ZNF3: variants seen among roughly 807,000 people sequenced by gnomAD.
ZNF3 encodes C2-H2 type zinc finger protein.
In ZNF3, 16 loss-of-function variants were observed where a neutral mutation model predicts 36.9. The ratio of observed to expected loss-of-function variants is 0.43; its 90% CI spans 0.29 to 0.66. The LOEUF (loss-of-function observed/expected upper bound fraction) is 0.66, where lower values mean the gene tolerates loss of function less well. Among genes scored for constraint, ZNF3 ranks in the 30% least tolerant of loss-of-function variants. ZNF3 has a pLI of 0.13. For missense variants in ZNF3, 462 were observed against 543.1 expected, an observed-to-expected ratio of 0.85 and a Z score of 1.48; for synonymous variants, 201 against 201.9, an observed-to-expected ratio of 1.00 and a Z score of 0.04.
At chr7:100,072,251 G>C (rs938993720) in intron 5 of ZNF3, 39 bp from the exon 6 acceptor site, 2 of 1,497,190 alleles carry the variant, frequency 1.3e-6, no homozygotes, top group Non-Finnish European at 1.8e-6. Flanking sequence ...TTGTTCCTTA[G>C]GGAAGAAAGA....
intron 2 of ZNF3, 72 bp downstream of exon 2, chr7:100,079,464 C>T (rs556312953): frequency 4.2e-4 from 64 of 152,366 alleles, no homozygotes; most frequent in African/African-American, 1.5e-3. Context: ...TTGCCAGCCT[C>T]ACTCCCTGGT....
At chr7:100,077,070 C>CA (rs951391543) in intron 3 of ZNF3, 245 of 463,920 alleles carry the variant, frequency 5.3e-4, no homozygotes, top group African/African-American at 2.3e-3. Context: ...GACTCCATCT[C>CA]AAAAAAAACA....
intron 5 of ZNF3, among the ~76,000 whole-genome samples, chr7:100,072,630 A>G (rs1384646626): frequency 1.3e-4 from 20 of 152,190 alleles, no homozygotes; most frequent in Admixed American, 1.3e-3. Flanking sequence ...AAAGGGGGGA[A>G]GGGTGAGGAG....
At chr7:100,075,721 G>A in intron 3 of ZNF3, 91 bp from the exon 4 acceptor site, 1 of 1,245,574 alleles carries the variant, frequency 8.0e-7, no homozygotes, top group Non-Finnish European at 1.2e-6. Flanking sequence ...AGCTCCCGGG[G>A]TCCTGGGACA....
At chr7:100,076,592 G>A (rs535551837) in intron 3 of ZNF3, among the ~76,000 whole-genome samples, 10 of 152,082 alleles carry the variant, frequency 6.6e-5, no homozygotes, top group South Asian at 4.2e-4. Context: ...GCGCTCGGCC[G>A]CAAAGTATAC....
At chr7:100,077,073 A>G (rs1324750170) in intron 3 of ZNF3, 2 of 484,152 alleles carry the variant, frequency 4.1e-6, no homozygotes, top group Non-Finnish European at 7.5e-6. Context: ...TCCATCTCAA[A>G]AAAAACAAAA....
chr7:100,064,099 G>A (rs539561711), exon 6 of ZNF3: 3 of 1,614,166 alleles, frequency 1.9e-6, no homozygotes, highest in African/African-American at 2.7e-5. Context: ...ACACACTGGG[G>A]AGAAACCTTA....
At chr7:100,072,505 G>A (rs1046708175) in intron 5 of ZNF3, among the ~76,000 whole-genome samples, 5 of 152,188 alleles carry the variant, frequency 3.3e-5, no homozygotes, top group Non-Finnish European at 7.3e-5. Context: ...TTTAGAAGAG[G>A]AAGGTCATAT....
In ZNF3 at chr7:100,075,131, T is replaced by A; in HGVS notation, c.271+4A>T. 1 of 1,603,596 alleles carries A rather than the reference T, an allele frequency of 6.2e-7. No homozygotes were observed. Among genetic ancestry groups the A allele is most frequent in the Non-Finnish European group, 8.5e-7 (1 of 1,172,792 alleles). On this transcript the variant is annotated splice_donor_region_variant and intron_variant, in intron 5 of 5. Coordinates refer to ENST00000299667, the MANE Select transcript of ZNF3 (RefSeq NM_032924.5). ...AGTTTTGTTGACAAGGCATAACTCCTTACCCAGTGAGAACACATTCCCGTA... is the reference window on the plus strand; with the variant it reads ...AGTTTTGTTGACAAGGCATAACTCCATACCCAGTGAGAACACATTCCCGTA...
At position 100,071,650 on chromosome 7, in the gene ZNF3, G is replaced by A. The variant is rs1272900891; in HGVS notation, c.834C>T (p.His278=). ...SSALILHRRI[H]TGEKPYECNE... ...TACATTCATAGGGTTTCTCCCCCGT[G>A]TGGATCCTCCGATGCAGAATGAGGG... The change falls in exon 6 of 6, where the codon CAC becomes CAT. Residue 278 remains histidine, a synonymous_variant. Coordinates refer to ENST00000299667, the MANE Select transcript of ZNF3 (RefSeq NM_032924.5). 6.2e-7 allele frequency: 1 copy of A among 1,614,056 alleles called. No individual in the cohort carries two copies. The highest frequency in any genetic ancestry group is 1.7e-5 in the Admixed American group (1 of 60,028).
intron 2 of ZNF3, among the ~76,000 whole-genome samples, chr7:100,078,019 C>T (rs1794396384): frequency 6.6e-6 from 1 of 152,018 alleles, no homozygotes; most frequent in South Asian, 2.1e-4. Context: ...TGTGAGCCAC[C>T]ATGCCCAGCC....
chr7:100,077,563 T>C, intron 2 of ZNF3, 130 bp from the exon 3 acceptor site: 1 of 760,458 alleles, frequency 1.3e-6, no homozygotes, highest in African/African-American at 1.8e-5. Context: ...GACTAGTCTT[T>C]TATTTTCTTT....
intron 1 of ZNF3, 133 bp from the exon 2 acceptor site, chr7:100,079,789 C>T (rs1252491749): frequency 6.6e-6 from 1 of 152,110 alleles, no homozygotes; most frequent in African/African-American, 2.4e-5. Context: ...ACTCAAACTC[C>T]TAAGTTCAAG....
At chr7:100,078,721 C>G (rs573720081) in intron 2 of ZNF3, 2 of 152,184 alleles carry the variant, frequency 1.3e-5, no homozygotes, top group Admixed American at 1.3e-4. Context: ...AACCAACCAA[C>G]CCTGGATTTG....
exon 6 of ZNF3, chr7:100,064,398 G>T: frequency 6.2e-7 from 1 of 1,609,870 alleles, no homozygotes; most frequent in Non-Finnish European, 8.5e-7. Context: ...GTCAGCATGC[G>T]GGCCTCAGCT....
downstream of ZNF3, among the ~76,000 whole-genome samples, chr7:100,069,175 T>A (rs1475941110): frequency 6.6e-6 from 1 of 151,978 alleles, no homozygotes; most frequent in East Asian, 1.9e-4. Flanking sequence ...TCTTGCCACG[T>A]TGCCTAGGCT....
rs185802382 is a variant in ZNF3 at position 100,072,342 on chromosome 7, T to C, written c.272-130A>G. On this transcript the variant is annotated intron_variant, in intron 5 of 5. Coordinates refer to ENST00000299667, the MANE Select transcript of ZNF3 (RefSeq NM_032924.5). ...TGCCTACAAAGAGGCCTGCCCCACA[T>C]GTGTGCGGCTAAGGCAAAATGAGAC... 1,172 of 839,850 alleles carry C rather than the reference T, an allele frequency of 1.4e-3. 9 individuals are homozygous for C. In the African/African-American group the frequency reaches 0.019, roughly 14 times the overall value. The allele number at this position is 839,850 out of a possible 1,614,324, so 52.0% of individuals were successfully genotyped here. A position where few individuals can be genotyped will look rare whatever the true frequency, so the allele number is the denominator to read the frequency against.
At chr7:100,068,692 C>G (rs575964045), downstream of ZNF3, among the ~76,000 whole-genome samples, 16 of 151,986 alleles carry the variant, frequency 1.1e-4, no homozygotes, top group African/African-American at 3.6e-4. Context: ...TTGAGACTGT[C>G]TTGCTCTGTT....
In ZNF3 at chr7:100,077,283, A is replaced by C. The variant is rs770182201; in HGVS notation, c.55+20T>G. On this transcript the variant is annotated intron_variant, in intron 3 of 5. Coordinates refer to ENST00000299667, the MANE Select transcript of ZNF3 (RefSeq NM_032924.5). ...TGCAGAATGACTGAGTAAAAGAATG[A>C]ATGAGTCCTTATTCCTCACCACTGT... 2.0e-4 allele frequency: 326 copies of C among 1,613,678 alleles called. No homozygotes were observed. The highest frequency in any genetic ancestry group is 2.6e-4 in the Non-Finnish European group (306 of 1,179,878).
Sources: allele counts gnomAD v4.1 joint callset (sites outside exome capture counted in the v4.1 genomes callset), GRCh38; gene constraint gnomAD v4.1.1; transcripts MANE v1.5; gene names NCBI Gene and HGNC (gene_info 2026-07-23, HGNC 2026-07-21).